Variants in ROCK2 observed in about 807,000 individuals in gnomAD.
ROCK2 encodes the protein rho-associated protein kinase 2.
ROCK2 carries 61 observed loss-of-function variants against 195.1 expected under a neutral mutation model. The observed-to-expected ratio is 0.31, with a 90% confidence interval of 0.25 to 0.39. The LOEUF (loss-of-function observed/expected upper bound fraction) is 0.39. Among genes scored for constraint, ROCK2 ranks in the 10% least tolerant of loss-of-function variants. ROCK2 has a pLI of 1.00. For synonymous variants in ROCK2, 504 were observed against 545.5 expected (o/e 0.92, Z 1.06); for missense variants, 1,109 against 1,637.4 (o/e 0.68, Z 5.57).
chr2:11,236,140 C>G (rs1665195216), intron 4 of ROCK2, among the ~76,000 whole-genome samples, 178 bp from the exon 5 acceptor site: 1 of 152,062 alleles, frequency 6.6e-6, no homozygotes, highest in African/African-American at 2.4e-5. Flanking sequence ...TAAACAGTAT[C>G]AGACAAAATT....
intron 1 of ROCK2, among the ~76,000 whole-genome samples, chr2:11,293,578 T>C (rs547336215): frequency 5.8e-4 from 89 of 152,332 alleles, no homozygotes; most frequent in African/African-American, 1.9e-3. Flanking sequence ...ACCAGTATTA[T>C]TAATTTTTCC....
chr2:11,287,683 G>GT lies in ROCK2; in HGVS notation c.194dup (p.Asn65LysfsTer6). 1 of 1,292,442 alleles carries GT rather than the reference G, an allele frequency of 7.7e-7. No homozygotes were observed. Among genetic ancestry groups the GT allele is most frequent in the Non-Finnish European group, 1.0e-6 (1 of 962,148 alleles). 80.1% of individuals were successfully genotyped at this position (1,292,442 alleles called of 1,614,324 possible). ...TATTTAAGAAATTATCTATGTTCTT[G>GT]TTTTTCCTCAAAGCAGGAAAATCTA... is the stretch of plus-strand genomic sequence containing the variant. On this transcript the variant is annotated frameshift_variant, in exon 2 of 33. Transcript: ENST00000315872. LOFTEE classifies it high-confidence loss of function.
intron 5 of ROCK2, among the ~76,000 whole-genome samples, chr2:11,228,952 G>A (rs1515219): frequency 0.39 from 58,715 of 151,862 alleles, 13,242 homozygotes; most frequent in Admixed American, 0.51. Context: ...GAAAAAAAGA[G>A]CATAAAGAAA....
intron 3 of ROCK2, among the ~76,000 whole-genome samples, chr2:11,284,881 C>T (rs539545598): frequency 1.3e-5 from 2 of 152,280 alleles, no homozygotes; most frequent in East Asian, 1.9e-4. Flanking sequence ...TGGCTCATCA[C>T]CTAAAATCAT....
At chr2:11,313,761 T>C (rs1331197804) in intron 1 of ROCK2, among the ~76,000 whole-genome samples, 1 of 151,970 alleles carries the variant, frequency 6.6e-6, no homozygotes, top group Admixed American at 6.6e-5. Context: ...GTTTATGGTT[T>C]CTCACTTTAC....
chr2:11,317,002 C>CTATT (rs1668212830), intron 1 of ROCK2, among the ~76,000 whole-genome samples: 1 of 152,026 alleles, frequency 6.6e-6, no homozygotes. Flanking sequence ...AGTTAAGAAG[C>CTATT]TTAATAGTTT....
At position 11,344,271 on chromosome 2, in the gene ROCK2, G is replaced by A. The variant is rs1486328722; in HGVS notation, c.-135C>T. The stretch of plus-strand genomic sequence containing the variant: ...ACCGCCTGCCTCTAGCTCCGGCTTC[G>A]GGTCTCCAAGGCGGTCCCCCGCCTG... On this transcript the variant is annotated 5_prime_UTR_variant, in exon 1 of 33. Transcript: ENST00000315872. The surrounding 1 kb of genome is among the most constrained non-coding windows in gnomAD (Gnocchi z 5.4). 1 of 1,281,618 alleles carries A rather than the reference G, an allele frequency of 7.8e-7. No individual in the cohort carries two copies. The highest frequency in any genetic ancestry group is 9.8e-7 in the Non-Finnish European group (1 of 1,017,244). 79.4% of individuals were successfully genotyped at this position (1,281,618 alleles called of 1,614,324 possible). A position where few individuals can be genotyped will look rare whatever the true frequency, so the allele number is the denominator to read the frequency against.
In ROCK2 at chr2:11,201,550, T is replaced by G. The variant is rs762144430; in HGVS notation, c.2620-137A>C. ...GCTAAGTCCCCGAGCAAATGAATAG[T>G]TTAATGAACTTTCCTATTTCTAGTC... On this transcript the variant is annotated intron_variant, in intron 21 of 32. Transcript: ENST00000315872. The surrounding 1 kb of genome is among the most constrained non-coding windows in gnomAD (Gnocchi z 4.6). 6 of 603,586 alleles carry G rather than the reference T, an allele frequency of 9.9e-6. No homozygotes were observed. The highest frequency in any genetic ancestry group is 1.5e-5 in the Non-Finnish European group (5 of 341,248). 37.4% of individuals were successfully genotyped at this position (603,586 alleles called of 1,614,324 possible). A position where few individuals can be genotyped will look rare whatever the true frequency, so the allele number is the denominator to read the frequency against.
intron 27 of ROCK2, among the ~76,000 whole-genome samples, 197 bp downstream of exon 27, chr2:11,196,983 T>G (rs1407331129): frequency 6.6e-6 from 1 of 152,230 alleles, no homozygotes; most frequent in East Asian, 1.9e-4. Flanking sequence ...TTCTTTTGTA[T>G]GTTTATGAAA....
At position 11,227,404 on chromosome 2, in the gene ROCK2, T is replaced by C. The variant is rs1295101657; in HGVS notation, c.724-6A>G. On this transcript the variant is annotated splice_region_variant and splice_polypyrimidine_tract_variant and intron_variant, in intron 5 of 32. Transcript: ENST00000315872. ...TCACAATGTACCATGCCTGTCTGCATGAACAGGAGAGATAAAGAAAAAACA... is the reference window on the plus strand; with the variant it reads ...TCACAATGTACCATGCCTGTCTGCACGAACAGGAGAGATAAAGAAAAAACA... 2.5e-6 allele frequency: 4 copies of C among 1,604,594 alleles called. No individual in the cohort carries two copies. Among genetic ancestry groups the C allele is most frequent in the East Asian group, 4.5e-5 (2 of 44,792 alleles).
At chr2:11,317,612 A>ATATATATTTTTTTT (rs59701503) in intron 1 of ROCK2, among the ~76,000 whole-genome samples, 2 of 19,312 alleles carry the variant, frequency 1.0e-4, no homozygotes, top group Non-Finnish European at 2.0e-4. Context: ...ATATATATAT[A>ATATATATTTTTTTT]TTTTTTTTTT....
At chr2:11,273,162 TC>T (rs1666706378) in intron 3 of ROCK2, among the ~76,000 whole-genome samples, 9 of 132,636 alleles carry the variant, frequency 6.8e-5, no homozygotes, top group Non-Finnish European at 1.0e-4. Flanking sequence ...AGAAATAAAT[TC>T]TTCTTCCCAG....
intron 3 of ROCK2, among the ~76,000 whole-genome samples, chr2:11,256,846 A>C (rs1282865171): frequency 6.6e-6 from 1 of 151,410 alleles, no homozygotes; most frequent in African/African-American, 2.5e-5. Context: ...AACTAACAGG[A>C]CTAAGAAAGA....
intron 7 of ROCK2, among the ~76,000 whole-genome samples, chr2:11,222,454 T>C (rs1156765213): frequency 2.0e-5 from 3 of 152,042 alleles, no homozygotes; most frequent in African/African-American, 4.8e-5. Context: ...GACTATCAAG[T>C]AAAAAAATTC....
At chr2:11,307,651 T>C (rs1042307309) in intron 1 of ROCK2, among the ~76,000 whole-genome samples, 1 of 152,184 alleles carries the variant, frequency 6.6e-6, no homozygotes, top group African/African-American at 2.4e-5. Flanking sequence ...ATAACAAATA[T>C]ATCTGAATCT....
At chr2:11,307,100 T>A (rs73915159) in intron 1 of ROCK2, among the ~76,000 whole-genome samples, 3,430 of 152,300 alleles carry the variant, frequency 0.023, 61 homozygotes, top group East Asian at 0.052. Flanking sequence ...AACAATGGTT[T>A]CAATTAATTT....
At chr2:11,345,211 C>A (rs1436018679), upstream of ROCK2, among the ~76,000 whole-genome samples, 1 of 152,216 alleles carries the variant, frequency 6.6e-6, no homozygotes, top group African/African-American at 2.4e-5. Context: ...CGGGTGGAAT[C>A]CTAGTCCTGG....
rs142656119 is a variant in ROCK2 at position 11,239,343 on chromosome 2, C to T, written c.463-3381G>A. Among the ~76,000 whole-genome samples, 121 of 152,110 alleles carry T rather than the reference C, an allele frequency of 8.0e-4. No individual in the cohort carries two copies. In the East Asian group the frequency reaches 0.022, roughly 27 times the overall value. On this transcript the variant is annotated intron_variant, in intron 4 of 32. Coordinates refer to ENST00000315872, the MANE Select transcript of ROCK2 (RefSeq NM_004850.5). Reference sequence around the variant, plus strand: ...TAGCATTGGTCATTAGGGAAATGCACACTAAAACCACAATGACATACCACT... The same window carrying T: ...TAGCATTGGTCATTAGGGAAATGCATACTAAAACCACAATGACATACCACT...
At chr2:11,244,245 T>C (rs1336126057) in intron 4 of ROCK2, among the ~76,000 whole-genome samples, 1 of 152,174 alleles carries the variant, frequency 6.6e-6, no homozygotes, top group Non-Finnish European at 1.5e-5. Context: ...ATATAAATAC[T>C]TATGTAATAT....
Sources: gnomAD v4.1 joint callset for allele counts (sites outside exome capture counted in the v4.1 genomes callset) on GRCh38, gnomAD v4.1.1 for gene constraint, Gnocchi (gnomAD v3.1) non-coding constraint, MANE v1.5 for transcripts, NCBI Gene and HGNC (gene_info 2026-07-23, HGNC 2026-07-21) for gene names.